Variants in PACS2 observed in about 807,000 individuals in gnomAD.
PACS2 encodes the protein phosphofurin acidic cluster sorting protein 2.
A neutral mutation model predicts 113.0 loss-of-function variants in PACS2; 36 were observed. The observed-to-expected ratio is 0.32, with a 90% CI of 0.24 to 0.42. PACS2 has a LOEUF of 0.42. Among genes scored for constraint, PACS2 ranks in the 10% least tolerant of loss-of-function variants. The pLI is 1.00. For synonymous variants in PACS2, 589 were observed against 536.1 expected (o/e 1.10, Z -1.36); for missense variants, 1,015 against 1,239.5 (o/e 0.82, Z 2.72).
intron 10 of PACS2, 119 bp downstream of exon 10, chr14:105,379,948 C>G: frequency 7.7e-7 from 1 of 1,301,798 alleles, no homozygotes. Context: ...TGGAGCCACT[C>G]TGCACCCACT....
intron 1 of PACS2, among the ~76,000 whole-genome samples, chr14:105,328,478 G>A (rs756058683): frequency 1.3e-5 from 2 of 152,236 alleles, no homozygotes; most frequent in Non-Finnish European, 1.5e-5. Context: ...GGGCCCAGCA[G>A]TGTGAATGGC....
In PACS2 at chr14:105,317,168, G is replaced by A. The variant is rs1449095821; in HGVS notation, c.119+2131G>A. Among the ~76,000 whole-genome samples, 1 of 152,150 alleles carries A rather than the reference G, an allele frequency of 6.6e-6. No individual in the cohort carries two copies. The highest frequency in any genetic ancestry group is 2.4e-5 in the African/African-American group (1 of 41,434). ...GGCTGCGTGTGTGCTGATGCCTTTCGGCGTGTTCACTGCTGCGTACTATTC... is the reference window on the plus strand; with the variant it reads ...GGCTGCGTGTGTGCTGATGCCTTTCAGCGTGTTCACTGCTGCGTACTATTC... On this transcript the variant is annotated intron_variant, in intron 1 of 24. Coordinates refer to ENST00000447393, the MANE Select transcript of PACS2 (RefSeq NM_001100913.3). This position sits in a 1 kb window ranked among gnomAD's most constrained non-coding sequence, Gnocchi z 4.2.
At chr14:105,373,110 T>C (rs985498261) in intron 8 of PACS2, among the ~76,000 whole-genome samples, 11 of 152,204 alleles carry the variant, frequency 7.2e-5, no homozygotes, top group African/African-American at 2.7e-4. Flanking sequence ...ATGTCATATG[T>C]TCATGAATTG....
At chr14:105,364,466 G>A (rs587618382) in intron 4 of PACS2, among the ~76,000 whole-genome samples, 11 of 135,730 alleles carry the variant, frequency 8.1e-5, no homozygotes, top group Non-Finnish European at 1.3e-4. Context: ...GGTGGGCGGC[G>A]TCCCGGGTGC....
chr14:105,373,887 C>T (rs782242942), intron 8 of PACS2, among the ~76,000 whole-genome samples: 1 of 151,968 alleles, frequency 6.6e-6, no homozygotes, highest in Non-Finnish European at 1.5e-5. Context: ...AATCCCAGCA[C>T]TTTGGGATTA....
intron 18 of PACS2, 77 bp from the exon 19 acceptor site, chr14:105,385,608 T>A: frequency 3.1e-6 from 3 of 961,824 alleles, no homozygotes; most frequent in Non-Finnish European, 4.5e-6. Context: ...AGCCACTGAG[T>A]GCCCTCGGCG....
chr14:105,382,126 G>C, intron 13 of PACS2, 68 bp downstream of exon 13: 1 of 1,471,954 alleles, frequency 6.8e-7, no homozygotes, highest in Non-Finnish European at 9.0e-7. Flanking sequence ...AACCAGAGCA[G>C]GGCAAAAAGA....
In PACS2 at chr14:105,380,072, C is replaced by T. The variant is rs782772222; in HGVS notation, c.1051-8C>T. The T allele has an allele frequency of 2.6e-6, 4 of 1,551,776 alleles. No individual in the cohort carries two copies. The South Asian group carries it at 4.8e-5, about 18-fold the overall frequency. On this transcript the variant is annotated splice_polypyrimidine_tract_variant and splice_region_variant and intron_variant, in intron 10 of 24. Transcript: ENST00000447393. ...AGCACAAGCTGATTCCCATCTCCTCCCCCACAGGCTGACGTGCCCGAGAAG... is the reference window on the plus strand; with the variant it reads ...AGCACAAGCTGATTCCCATCTCCTCTCCCACAGGCTGACGTGCCCGAGAAG...
rs1555416039 is a variant in PACS2 at position 105,394,657 on chromosome 14, C to T, written c.2700C>T (p.Ser900=). The change falls in exon 25 of 25, where the codon TCC becomes TCT. Residue 900 remains serine (S), a synonymous_variant. Coordinates refer to ENST00000447393, the MANE Select transcript of PACS2 (RefSeq NM_001100913.3). Reference sequence around the variant, plus strand: ...TCCCCATCTGCATCTTCGGACACTCCAAGGCCACCTTCTAGCCCCACCCAC... The same window carrying T: ...TCCCCATCTGCATCTTCGGACACTCTAAGGCCACCTTCTAGCCCCACCCAC... The part of the protein sequence containing the change: ...KHFPICIFGH[S]KATF 4 of 1,611,334 alleles carry T rather than the reference C, an allele frequency of 2.5e-6. No homozygotes were observed. In the Admixed American group the frequency reaches 5.0e-5, roughly 20 times the overall value.
At chr14:105,393,578 T>C (rs1555415632) in intron 24 of PACS2, 1 of 450,572 alleles carries the variant, frequency 2.2e-6, no homozygotes, top group Non-Finnish European at 3.9e-6. Context: ...TTTTTCTTGT[T>C]TGTTTTTTGT....
chr14:105,347,076 C>T lies in PACS2; in HGVS notation c.120-1417C>T, dbSNP rs1429846317. Among the ~76,000 whole-genome samples the T allele has an allele frequency of 2.8e-5, 4 of 144,280 alleles. No individual in the cohort carries two copies. In the East Asian group the frequency reaches 8.2e-4, roughly 30 times the overall value. The allele number at this position is 144,280 out of a possible 152,430, so 94.7% of individuals were successfully genotyped here. On this transcript the variant is annotated intron_variant, in intron 1 of 24. Transcript: ENST00000447393. ...CCCCGTTGCACCTCCCACCTGCTGCCCTGCTGTCAAGTCAGGCGCGTCCCA... is the reference window on the plus strand; with the variant it reads ...CCCCGTTGCACCTCCCACCTGCTGCTCTGCTGTCAAGTCAGGCGCGTCCCA...
intron 1 of PACS2, among the ~76,000 whole-genome samples, chr14:105,318,491 G>A (rs2058752213): frequency 6.6e-6 from 1 of 152,026 alleles, no homozygotes; most frequent in African/African-American, 2.4e-5. Context: ...GTCTCACTCT[G>A]TCACCAGGCT....
chr14:105,390,546 C>T (rs1278578712), intron 20 of PACS2: 1 of 175,350 alleles, frequency 5.7e-6, no homozygotes, highest in Non-Finnish European at 1.2e-5. Context: ...CGCCAGGTGT[C>T]TGCTGTGAGA....
chr14:105,342,238 G>A (rs1490036094), intron 1 of PACS2, among the ~76,000 whole-genome samples: 1 of 150,690 alleles, frequency 6.6e-6, no homozygotes, highest in African/African-American at 2.4e-5. Context: ...GCCTGTGTGT[G>A]TGTGTGTGTG....
chr14:105,392,493 G>C, intron 22 of PACS2, 126 bp from the exon 23 acceptor site: 1 of 762,070 alleles, frequency 1.3e-6, no homozygotes, highest in Non-Finnish European at 2.2e-6. Flanking sequence ...CAAGCACCCG[G>C]CCCTCCTCTG....
intron 1 of PACS2, among the ~76,000 whole-genome samples, chr14:105,326,848 T>C (rs1308065644): frequency 2.0e-5 from 3 of 152,224 alleles, no homozygotes; most frequent in African/African-American, 7.2e-5. Context: ...TGTGGTGCCC[T>C]GGGTGGCCTC....
At position 105,354,196 on chromosome 14, in the gene PACS2, C is replaced by T. The variant is rs1246375375; in HGVS notation, c.298-856C>T. ...GGGAAACTCAGAGTTCACAAGCAAT[C>T]CCAGCTCTTCGGGAGGCTGAGGCAG... On this transcript the variant is annotated intron_variant, in intron 3 of 24. Coordinates refer to ENST00000447393, the MANE Select transcript of PACS2 (RefSeq NM_001100913.3). The surrounding 1 kb of genome is among the most constrained non-coding windows in gnomAD (Gnocchi z 4.2). Among the ~76,000 whole-genome samples the T allele has an allele frequency of 1.3e-5, 2 of 152,158 alleles. No individual in the cohort carries two copies. The highest frequency in any genetic ancestry group is 2.4e-5 in the African/African-American group (1 of 41,452).
chr14:105,356,289 C>T lies in PACS2; in HGVS notation c.423+1112C>T, dbSNP rs2060443689. On this transcript the variant is annotated intron_variant, in intron 4 of 24. Transcript: ENST00000447393. This position sits in a 1 kb window ranked among gnomAD's most constrained non-coding sequence, Gnocchi z 4.0. ...CAAGTACTACTCTGGGCTCAGCCCT[C>T]CCTGCTACCCCAGGAGATGGGAGCG... Among the ~76,000 whole-genome samples the T allele has an allele frequency of 6.6e-6, 1 of 152,208 alleles. No homozygotes were observed. Among genetic ancestry groups the T allele is most frequent in the Admixed American group, 6.5e-5 (1 of 15,290 alleles).
intron 1 of PACS2, among the ~76,000 whole-genome samples, chr14:105,320,465 C>T (rs1436141155): frequency 6.6e-6 from 1 of 152,196 alleles, no homozygotes; most frequent in Non-Finnish European, 1.5e-5. Context: ...CTGCCTCAGC[C>T]TCCTGAGTAG....
Sources: gnomAD v4.1 joint callset for allele counts (sites outside exome capture counted in the v4.1 genomes callset) on GRCh38, gnomAD v4.1.1 for gene constraint, Gnocchi (gnomAD v3.1) non-coding constraint, MANE v1.5 for transcripts, NCBI Gene and HGNC (gene_info 2026-07-23, HGNC 2026-07-21) for gene names.